The following VCAN variants were observed in gnomAD, a reference collection of about 807,000 sequenced individuals.
The protein encoded by VCAN is versican core protein.
In VCAN, 44 loss-of-function variants were observed where a neutral mutation model predicts 245.5. The observed-to-expected ratio is 0.18, with a 90% CI of 0.14 to 0.23. The LOEUF is 0.23. VCAN is among the 10% of genes least tolerant of loss of function. The probability of loss-of-function intolerance (pLI) is 1.00; values close to 1 mark genes in which losing one functional copy is unlikely to be tolerated. For missense variants in VCAN, 3,793 were observed against 4,057.9 expected, an observed-to-expected ratio of 0.93 and a Z score of 1.77; for synonymous variants, 1,413 against 1,437.0, an observed-to-expected ratio of 0.98 and a Z score of 0.38.
At chr5:83,500,977 A>G (rs528983993) in intron 5 of VCAN, among the ~76,000 whole-genome samples, 7 of 152,194 alleles carry the variant, frequency 4.6e-5, no homozygotes, top group African/African-American at 1.7e-4. Context: ...AACACTTGCT[A>G]TTATCTGACC....
intron 7 of VCAN, chr5:83,536,009 T>C (rs1436801739): frequency 6.6e-6 from 1 of 152,150 alleles, no homozygotes; most frequent in African/African-American, 2.4e-5. Context: ...ACCTCAGAAT[T>C]TCCTCTTTCC....
intron 8 of VCAN, among the ~76,000 whole-genome samples, chr5:83,542,511 A>G (rs889276889): frequency 2.0e-5 from 3 of 152,236 alleles, no homozygotes; most frequent in East Asian, 1.9e-4. Context: ...ATAATATACA[A>G]TTACAACATG....
intron 5 of VCAN, among the ~76,000 whole-genome samples, chr5:83,508,024 T>C (rs1270299799): frequency 6.6e-6 from 1 of 152,212 alleles, no homozygotes; most frequent in Non-Finnish European, 1.5e-5. Flanking sequence ...TTGTGCAAAA[T>C]GAGCTTCTTT....
At chr5:83,516,035 A>G (rs886918908) in intron 6 of VCAN, among the ~76,000 whole-genome samples, 1 of 152,208 alleles carries the variant, frequency 6.6e-6, no homozygotes, top group African/African-American at 2.4e-5. Flanking sequence ...GATCGAGACC[A>G]TCCTGGCTAA....
chr5:83,563,043 A>G (rs919775960), intron 12 of VCAN, among the ~76,000 whole-genome samples: 5 of 152,282 alleles, frequency 3.3e-5, no homozygotes, highest in African/African-American at 1.2e-4. Flanking sequence ...GGAGACCCCA[A>G]GTTAGTTTTT....
chr5:83,562,623 C>A (rs1022164611), intron 12 of VCAN, among the ~76,000 whole-genome samples: 1 of 151,344 alleles, frequency 6.6e-6, no homozygotes, highest in African/African-American at 2.4e-5. Flanking sequence ...AATCTAATTG[C>A]TAATTAGTTT....
chr5:83,553,061 C>T (rs367813526), intron 10 of VCAN, among the ~76,000 whole-genome samples: 2 of 152,184 alleles, frequency 1.3e-5, no homozygotes, highest in African/African-American at 4.8e-5. Flanking sequence ...GTAAGTCAGC[C>T]AGTGCTATAG....
intron 6 of VCAN, among the ~76,000 whole-genome samples, chr5:83,516,666 G>T (rs2112400628): frequency 1.3e-5 from 2 of 152,360 alleles, no homozygotes; most frequent in South Asian, 4.1e-4. Context: ...TAATAAAGTT[G>T]AAGGAATACT....
At chr5:83,477,618 C>T (rs1744438422) in intron 1 of VCAN, among the ~76,000 whole-genome samples, 1 of 152,050 alleles carries the variant, frequency 6.6e-6, no homozygotes, top group Non-Finnish European at 1.5e-5. Flanking sequence ...AAACCCAGTG[C>T]CATTCTAGGA....
intron 1 of VCAN, among the ~76,000 whole-genome samples, chr5:83,480,702 A>C (rs1214357219): frequency 2.0e-5 from 3 of 152,198 alleles, no homozygotes; most frequent in African/African-American, 7.2e-5. Context: ...GAGATTAGAC[A>C]TGTTTACAGA....
chr5:83,579,980 T>C lies in VCAN; in HGVS notation c.9881T>C (p.Val3294Ala). 2 of 1,614,100 alleles carry C rather than the reference T, an allele frequency of 1.2e-6. No homozygotes were observed. The highest frequency in any genetic ancestry group is 1.7e-6 in the Non-Finnish European group (2 of 1,179,960). Reference protein sequence around the residue: ...HLTYTCKKGTVACGQPPVVEN... With the variant: ...HLTYTCKKGTAACGQPPVVEN... ...AATAACCCAATTTGCTTTCCTTTAG[T>C]CGCTTGCGGCCAGCCCCCTGTTGTA... The change falls in exon 14 of 15, where the codon GTC (valine) becomes GCC (alanine). Residue 3294 changes from valine to alanine, a missense_variant and splice_region_variant. Around this residue, in one of 5 missense-constraint regions of VCAN, gnomAD observed 205 missense variants for 321.1 expected, o/e 0.64. Transcript: ENST00000265077.
intron 8 of VCAN, 97 bp downstream of exon 8, chr5:83,542,365 C>G (rs1747040204): frequency 3.9e-6 from 5 of 1,294,152 alleles, no homozygotes; most frequent in South Asian, 1.2e-5. Context: ...GATGTTAAAT[C>G]AATGGAGAGT....
At chr5:83,575,662 A>G (rs544004743) in intron 13 of VCAN, among the ~76,000 whole-genome samples, 1 of 152,332 alleles carries the variant, frequency 6.6e-6, no homozygotes, top group Admixed American at 6.5e-5. Context: ...TGTATACTAC[A>G]TGTCAGTAGC....
Position 83,525,046 on chromosome 5 carries a change from G to GTTT in VCAN, c.4003+2752_4003+2754dup, listed in dbSNP as rs34155062. 8.1e-3 allele frequency among the ~76,000 whole-genome samples: 1,078 copies of GTTT among 132,530 alleles called. 19 individuals carry two copies. Among genetic ancestry groups the GTTT allele is most frequent in the African/African-American group, 0.02 (748 of 36,830 alleles). 86.9% of individuals were successfully genotyped at this position (132,530 alleles called of 152,430 possible). On this transcript the variant is annotated intron_variant, in intron 7 of 14. Coordinates refer to ENST00000265077, the MANE Select transcript of VCAN (RefSeq NM_004385.5). ...GCACTCAGCGAGTCATATAAATCTT[G>GTTT]TTTTTTTTTTTTTTTTTACTACTAT...
In VCAN at chr5:83,555,161, T is replaced by G. The variant is rs1043798279; in HGVS notation, c.9735+123T>G. The stretch of plus-strand genomic sequence containing the variant: ...AGTTAAATGACTTGCTCAAGGTCAC[T>G]CAGTGAAACAGAGAAGGGTTAGAAG... On this transcript the variant is annotated intron_variant, in intron 12 of 14. Coordinates refer to ENST00000265077, the MANE Select transcript of VCAN (RefSeq NM_004385.5). The G allele has an allele frequency of 6.3e-6, 6 of 953,404 alleles. No homozygotes were observed. The African/African-American group carries it at 9.7e-5, about 15-fold the overall frequency. The allele number at this position is 953,404 out of a possible 1,614,324, so 59.1% of individuals were successfully genotyped here. A position where few individuals can be genotyped will look rare whatever the true frequency, so the allele number is the denominator to read the frequency against.
chr5:83,550,887 CAAAAAAAAAAAAA>C (rs57081110), intron 10 of VCAN, among the ~76,000 whole-genome samples: 8 of 50,102 alleles, frequency 1.6e-4, no homozygotes, highest in African/African-American at 6.5e-4. Flanking sequence ...GACTCCATCT[CAAAAAAAAAAAAA>C]AAAAAAAAGT....
chr5:83,519,347 A>G lies in VCAN; in HGVS notation c.1043-2A>G, dbSNP rs1469954654. 1 of 1,613,528 alleles carries G rather than the reference A, an allele frequency of 6.2e-7. No individual in the cohort carries two copies. Among genetic ancestry groups the G allele is most frequent in the African/African-American group, 1.3e-5 (1 of 74,904 alleles). Reference sequence around the variant, plus strand: ...ATCAACTCTTTGAAATTATTTTTCTAGCTAAAGAGGCTACAACCATCGATT... The same window carrying G: ...ATCAACTCTTTGAAATTATTTTTCTGGCTAAAGAGGCTACAACCATCGATT... On this transcript the variant is annotated splice_acceptor_variant, in intron 6 of 14. Coordinates refer to ENST00000265077, the MANE Select transcript of VCAN (RefSeq NM_004385.5). LOFTEE classifies it high-confidence loss of function.
At chr5:83,573,141 G>A (rs1003018924) in intron 13 of VCAN, among the ~76,000 whole-genome samples, 2 of 151,830 alleles carry the variant, frequency 1.3e-5, no homozygotes, top group African/African-American at 4.8e-5. Context: ...CTTGTAATCT[G>A]CCAGCCTCAG....
At chr5:83,578,799 A>G (rs1183524896) in intron 13 of VCAN, among the ~76,000 whole-genome samples, 1 of 152,180 alleles carries the variant, frequency 6.6e-6, no homozygotes, top group Non-Finnish European at 1.5e-5. Flanking sequence ...AGGGAAAATT[A>G]TATTTAAGTT....
Sources: gnomAD v4.1 joint callset for allele counts (sites outside exome capture counted in the v4.1 genomes callset) on GRCh38, gnomAD v4.1.1 for gene constraint, gnomAD v4.1.1 regional missense constraint, MANE v1.5 for transcripts, NCBI Gene and HGNC (gene_info 2026-07-23, HGNC 2026-07-21) for gene names.